The following THSD7B variants were observed in gnomAD, a reference collection of about 807,000 sequenced individuals.
The protein encoded by THSD7B is thrombospondin type 1 domain containing 7B.
In THSD7B, 138 loss-of-function variants were observed where a neutral mutation model predicts 213.6. The ratio of observed to expected loss-of-function variants is 0.65; its 90% confidence interval spans 0.56 to 0.74. The LOEUF is 0.74. Among genes scored for constraint, THSD7B ranks in the 30% least tolerant of loss-of-function variants. THSD7B has a pLI of 0.00. For missense variants in THSD7B, 1,931 were observed against 1,991.5 expected, an observed-to-expected ratio of 0.97 and a Z score of 0.58; for synonymous variants, 742 against 687.0, an observed-to-expected ratio of 1.08 and a Z score of -1.25.
At chr2:137,229,222 C>T (rs1292887650) in intron 7 of THSD7B, among the ~76,000 whole-genome samples, 1 of 152,146 alleles carries the variant, frequency 6.6e-6, no homozygotes, top group East Asian at 1.9e-4. Flanking sequence ...CAAGACATAG[C>T]TTTAAAGTAT....
chr2:136,890,381 TC>T lies in THSD7B; in HGVS notation c.139+8066del, dbSNP rs1558840006. Reference sequence around the variant, plus strand: ...TTCTTCTTCTTCTTCTTCTTCCTCTTCCTCTTCCTCTTCCTCTTCCTCTTCC... The same window carrying T: ...TTCTTCTTCTTCTTCTTCTTCCTCTTCTCTTCCTCTTCCTCTTCCTCTTCC... On this transcript the variant is annotated intron_variant, in intron 2 of 27. Coordinates refer to ENST00000409968, the MANE Select transcript of THSD7B (RefSeq NM_001316349.2). Among the ~76,000 whole-genome samples, 11 of 2,564 alleles carry T rather than the reference TC, an allele frequency of 4.3e-3. 3 individuals are homozygous for T. Among genetic ancestry groups the T allele is most frequent in the African/African-American group, 0.012 (11 of 916 alleles). 1.7% of individuals were successfully genotyped at this position (2,564 alleles called of 152,430 possible).
intron 17 of THSD7B, among the ~76,000 whole-genome samples, chr2:137,578,344 G>C (rs1227898815): frequency 6.6e-6 from 1 of 152,214 alleles, no homozygotes; most frequent in East Asian, 1.9e-4. Context: ...CATTCATGGA[G>C]TGAAACTCCC....
intron 2 of THSD7B, among the ~76,000 whole-genome samples, chr2:136,932,756 A>C: frequency 6.6e-6 from 1 of 152,170 alleles, no homozygotes; most frequent in South Asian, 2.1e-4. Context: ...TGGCAGACAC[A>C]GAAGAAAATC....
Position 137,416,652 on chromosome 2 carries a change from A to G in THSD7B, c.2959+4780A>G, listed in dbSNP as rs556894786. 7.6e-4 allele frequency among the ~76,000 whole-genome samples: 116 copies of G among 152,326 alleles called. 2 individuals are homozygous for G. Among genetic ancestry groups the G allele is most frequent in the Middle Eastern group, 6.8e-3 (2 of 294 alleles). ...AAGGATAGTTTAGATAAGAGTCAAC[A>G]CACATATGCCCATATACAGGTTCTG... is the stretch of plus-strand genomic sequence containing the variant. On this transcript the variant is annotated intron_variant, in intron 14 of 27. Coordinates refer to ENST00000409968, the MANE Select transcript of THSD7B (RefSeq NM_001316349.2).
At chr2:137,471,317 A>G (rs1197536732) in intron 15 of THSD7B, among the ~76,000 whole-genome samples, 1 of 152,144 alleles carries the variant, frequency 6.6e-6, no homozygotes, top group African/African-American at 2.4e-5. Context: ...CACATTTCAT[A>G]TGTTTAAATT....
rs1371923297 is a variant in THSD7B at position 137,192,789 on chromosome 2, T to G, written c.1723+21851T>G. On this transcript the variant is annotated intron_variant, in intron 7 of 27. Transcript: ENST00000409968. ...ATACAGGAAAAAAACCATTTCACTT[T>G]AAATGGAAAATCAGTATTTCCTCAT... Among the ~76,000 whole-genome samples the G allele has an allele frequency of 3.9e-5, 6 of 152,316 alleles. No homozygotes were observed. In the East Asian group the frequency reaches 9.6e-4, roughly 24 times the overall value.
intron 7 of THSD7B, among the ~76,000 whole-genome samples, chr2:137,197,854 T>A (rs1266071302): frequency 2.6e-5 from 4 of 152,196 alleles, no homozygotes; most frequent in African/African-American, 9.6e-5. Flanking sequence ...TTGTACTAAA[T>A]GAGAATAGGA....
In THSD7B at chr2:136,825,805, G is replaced by A. The variant is rs571117324; in HGVS notation, c.-35-56339G>A. On this transcript the variant is annotated intron_variant, in intron 1 of 27. Coordinates refer to ENST00000409968, the MANE Select transcript of THSD7B (RefSeq NM_001316349.2). Reference sequence around the variant, plus strand: ...GACCTCAAATGATCCACCCACCTTGGCTTCCCAAAGTGCTGGGATTACAGG... The same window carrying A: ...GACCTCAAATGATCCACCCACCTTGACTTCCCAAAGTGCTGGGATTACAGG... 2.3e-3 allele frequency among the ~76,000 whole-genome samples: 350 copies of A among 149,452 alleles called. 1 individual carries two copies. Among genetic ancestry groups the A allele is most frequent in the Non-Finnish European group, 3.8e-3 (258 of 67,774 alleles).
At chr2:136,956,182 G>T (rs1053482196) in intron 2 of THSD7B, among the ~76,000 whole-genome samples, 1 of 152,182 alleles carries the variant, frequency 6.6e-6, no homozygotes, top group Non-Finnish European at 1.5e-5. Context: ...GAAGCTAACT[G>T]CATGAATCCT....
At chr2:137,286,524 A>C (rs2573092) in intron 12 of THSD7B, among the ~76,000 whole-genome samples, 8,293 of 152,208 alleles carry the variant, frequency 0.054, 334 homozygotes, top group African/African-American at 0.12. Flanking sequence ...GGAAGACACC[A>C]TAGTCACTTA....
chr2:137,178,200 T>G (rs1171708846), intron 7 of THSD7B, among the ~76,000 whole-genome samples: 1 of 151,454 alleles, frequency 6.6e-6, no homozygotes, highest in Non-Finnish European at 1.5e-5. Context: ...TTTTTTTTTT[T>G]GCTTCTTTAT....
intron 15 of THSD7B, among the ~76,000 whole-genome samples, chr2:137,454,424 G>GTCTA (rs57128305): frequency 0.018 from 2,590 of 140,210 alleles, 38 homozygotes; most frequent in South Asian, 0.029. Context: ...CTGTCTGTCT[G>GTCTA]TCTATCTATC....
chr2:137,323,654 C>T (rs572871729), intron 12 of THSD7B, among the ~76,000 whole-genome samples: 6 of 152,166 alleles, frequency 3.9e-5, no homozygotes, highest in Admixed American at 6.5e-5. Flanking sequence ...TAAATAGTAG[C>T]GACTAAGTGA....
intron 2 of THSD7B, among the ~76,000 whole-genome samples, chr2:136,925,065 G>T (rs375508954): frequency 1.3e-5 from 2 of 152,014 alleles, no homozygotes; most frequent in South Asian, 2.1e-4. Context: ...AAGAGTTTTT[G>T]TGTGTGTGTG....
intron 17 of THSD7B, among the ~76,000 whole-genome samples, chr2:137,597,192 C>T (rs1330871764): frequency 6.6e-6 from 1 of 152,028 alleles, no homozygotes; most frequent in African/African-American, 2.4e-5. Context: ...AAGTGCCTTG[C>T]TGGATACAAT....
At chr2:137,399,339 T>C (rs11694003) in intron 12 of THSD7B, among the ~76,000 whole-genome samples, 135,274 of 151,904 alleles carry the variant, frequency 0.89, 60,979 homozygotes, top group South Asian at 0.97. Context: ...ATTACAGGTA[T>C]GCGCAGCCAC....
intron 1 of THSD7B, among the ~76,000 whole-genome samples, chr2:136,787,030 A>G (rs1681868522): frequency 1.3e-5 from 2 of 152,208 alleles, no homozygotes; most frequent in African/African-American, 4.8e-5. Context: ...CAAGGTTGCC[A>G]GAAGTATCAA....
intron 2 of THSD7B, among the ~76,000 whole-genome samples, chr2:136,944,466 A>G (rs1684888580): frequency 6.6e-6 from 1 of 152,072 alleles, no homozygotes; most frequent in Admixed American, 6.6e-5. Flanking sequence ...TGATCTGTCT[A>G]ATATTGACAG....
chr2:137,486,310 G>A (rs1688442257), intron 15 of THSD7B, among the ~76,000 whole-genome samples: 1 of 148,498 alleles, frequency 6.7e-6, no homozygotes, highest in African/African-American at 2.5e-5. Context: ...GATCTACCAA[G>A]CAAATGGAAA....
Sources: allele counts gnomAD v4.1 joint callset (sites outside exome capture counted in the v4.1 genomes callset), GRCh38; gene constraint gnomAD v4.1.1; transcripts MANE v1.5; gene names NCBI Gene and HGNC (gene_info 2026-07-23, HGNC 2026-07-21).